Variants in ACCSL observed in about 807,000 individuals in gnomAD.
The protein encoded by ACCSL is probable inactive 1-aminocyclopropane-1-carboxylate synthase-like protein 2.
ACCSL carries 55 observed loss-of-function variants against 61.7 expected under a neutral mutation model. The observed-to-expected ratio is 0.89, with a 90% confidence interval of 0.72 to 1.12. The LOEUF (loss-of-function observed/expected upper bound fraction) is 1.12. Ranked by LOEUF, ACCSL falls within the 50% of genes most tolerant of loss-of-function variation. The pLI is 0.00. For missense variants in ACCSL, 632 were observed against 698.0 expected (o/e 0.91, Z 1.07); for synonymous variants, 258 against 264.3 (o/e 0.98, Z 0.23).
the ACCSL span, among the ~76,000 whole-genome samples, chr11:43,959,894 G>A: frequency 6.6e-6 from 1 of 152,152 alleles, no homozygotes; most frequent in African/African-American, 2.4e-5. Context: ...GGACTGTGGT[G>A]TGCTGAATAA....
the ACCSL span, among the ~76,000 whole-genome samples, chr11:44,037,484 C>G: frequency 6.6e-6 from 1 of 152,256 alleles, no homozygotes; most frequent in Admixed American, 6.5e-5. Flanking sequence ...CTCTCACCCG[C>G]TGCTTCTCTG....
At chr11:44,053,194 A>G in intron 7 of ACCSL, 126 bp downstream of exon 7, 1 of 912,052 alleles carries the variant, frequency 1.1e-6, no homozygotes, top group South Asian at 1.5e-5. Flanking sequence ...GAGACAGTAA[A>G]TGATCCAGGG....
the ACCSL span, among the ~76,000 whole-genome samples, chr11:44,007,661 G>A: frequency 2.8e-4 from 43 of 152,274 alleles, no homozygotes; most frequent in African/African-American, 1.0e-3. Flanking sequence ...GGCTCTATAT[G>A]TGTGACCTTG....
At chr11:43,971,284 C>CAAAAAAA in the ACCSL span, among the ~76,000 whole-genome samples, 6 of 137,632 alleles carry the variant, frequency 4.4e-5, no homozygotes, top group East Asian at 2.1e-4. Flanking sequence ...GACTCTGTCT[C>CAAAAAAA]AAAAAAAAAA....
At chr11:43,942,108 G>T in the ACCSL span, among the ~76,000 whole-genome samples, 1 of 151,826 alleles carries the variant, frequency 6.6e-6, no homozygotes, top group Non-Finnish European at 1.5e-5. Context: ...GGGTGGCAAG[G>T]ATCCAGAAGG....
the ACCSL span, among the ~76,000 whole-genome samples, chr11:43,932,280 T>C: frequency 6.6e-6 from 1 of 152,172 alleles, no homozygotes; most frequent in Non-Finnish European, 1.5e-5. Context: ...TTCTTTTTCT[T>C]TTTTTGAGAC....
chr11:43,987,218 G>A, the ACCSL span, among the ~76,000 whole-genome samples: 5 of 152,266 alleles, frequency 3.3e-5, no homozygotes, highest in South Asian at 2.1e-4. Context: ...AGATACCTAC[G>A]GAATCTTCTG....
the ACCSL span, among the ~76,000 whole-genome samples, chr11:43,952,131 G>T: frequency 6.6e-6 from 1 of 150,972 alleles, no homozygotes; most frequent in African/African-American, 2.4e-5. Context: ...TGGGTAAATT[G>T]CGTGTCTCAG....
chr11:43,934,568 AATC>A, the ACCSL span, among the ~76,000 whole-genome samples: 1 of 152,196 alleles, frequency 6.6e-6, no homozygotes. Flanking sequence ...CACCTGGAAT[AATC>A]ATCACCTCAT....
chr11:43,937,426 C>G, the ACCSL span, among the ~76,000 whole-genome samples: 2 of 152,220 alleles, frequency 1.3e-5, no homozygotes, highest in African/African-American at 4.8e-5. Flanking sequence ...GCAGGGCAGA[C>G]AGTCAAGTGG....
intron 11 of ACCSL, among the ~76,000 whole-genome samples, chr11:44,056,788 C>T (rs377578061): frequency 1.3e-5 from 2 of 152,228 alleles, no homozygotes; most frequent in Non-Finnish European, 2.9e-5. Flanking sequence ...GCCAAGACAG[C>T]GCCATTGACT....
chr11:44,043,690 G>A (rs1238542071), upstream of ACCSL, among the ~76,000 whole-genome samples: 2 of 152,114 alleles, frequency 1.3e-5, no homozygotes, highest in Non-Finnish European at 2.9e-5. Context: ...ACATCTGTGT[G>A]TGTATTAGAT....
the ACCSL span, among the ~76,000 whole-genome samples, chr11:43,984,572 C>T: frequency 6.6e-6 from 1 of 152,326 alleles, no homozygotes; most frequent in South Asian, 2.1e-4. Flanking sequence ...AATGCTGGGA[C>T]CAGACACTGC....
chr11:43,992,728 A>G, the ACCSL span, among the ~76,000 whole-genome samples: 1 of 152,232 alleles, frequency 6.6e-6, no homozygotes, highest in South Asian at 2.1e-4. Flanking sequence ...CAGATATATG[A>G]CCTGAGTGTC....
At chr11:44,003,783 G>T in the ACCSL span, among the ~76,000 whole-genome samples, 1 of 152,190 alleles carries the variant, frequency 6.6e-6, no homozygotes, top group African/African-American at 2.4e-5. Context: ...CGCACACTCT[G>T]CAGTTTCCAG....
chr11:44,020,719 G>T, the ACCSL span, among the ~76,000 whole-genome samples: 1 of 151,858 alleles, frequency 6.6e-6, no homozygotes, highest in East Asian at 1.9e-4. Flanking sequence ...AGATTTTGGT[G>T]CACCCATCAC....
chr11:44,047,284 A>C (rs532038127), upstream of ACCSL, among the ~76,000 whole-genome samples: 6 of 152,324 alleles, frequency 3.9e-5, no homozygotes, highest in African/African-American at 1.4e-4. Flanking sequence ...CAGGAAGCCA[A>C]GTGAGGATAG....
the ACCSL span, among the ~76,000 whole-genome samples, chr11:43,985,284 G>T: frequency 2.0e-3 from 297 of 152,300 alleles, 2 homozygotes; most frequent in African/African-American, 6.8e-3. Context: ...AGTGTGAGAG[G>T]TGATGTTAGT....
At chr11:44,037,553 C>T in the ACCSL span, among the ~76,000 whole-genome samples, 1 of 152,184 alleles carries the variant, frequency 6.6e-6, no homozygotes, top group Admixed American at 6.5e-5. Context: ...AAGGGTTTAG[C>T]GACCCCTCTT....
Sources: gnomAD v4.1 joint callset for allele counts (sites outside exome capture counted in the v4.1 genomes callset) on GRCh38, gnomAD v4.1.1 for gene constraint, MANE v1.5 for transcripts, NCBI Gene and HGNC (gene_info 2026-07-23, HGNC 2026-07-21) for gene names.